The following RBFOX1 variants were observed in gnomAD, a reference collection of about 807,000 sequenced individuals.
RBFOX1 encodes RNA binding protein fox-1 homolog 1.
In RBFOX1, 8 loss-of-function variants were observed where a neutral mutation model predicts 57.7. The ratio of observed to expected loss-of-function variants is 0.14; its 90% CI spans 0.08 to 0.25. The LOEUF (loss-of-function observed/expected upper bound fraction) is 0.25, where lower values mean the gene tolerates loss of function less well. Among genes scored for constraint, RBFOX1 ranks in the 10% least tolerant of loss-of-function variants. RBFOX1 has a pLI of 1.00. For synonymous variants in RBFOX1, 326 were observed against 222.4 expected, an observed-to-expected ratio of 1.47 and a Z score of -4.15; for missense variants, 611 against 548.5, an observed-to-expected ratio of 1.11 and a Z score of -1.14.
At chr16:5,420,744 C>T (rs1018734279) in intron 1 of RBFOX1, among the ~76,000 whole-genome samples, 1 of 152,054 alleles carries the variant, frequency 6.6e-6, no homozygotes, top group Non-Finnish European at 1.5e-5. Flanking sequence ...CCATGTTGCC[C>T]AGGCTGGTCT....
At chr16:7,183,054 C>T (rs190739059) in intron 4 of RBFOX1, among the ~76,000 whole-genome samples, 1 of 152,126 alleles carries the variant, frequency 6.6e-6, no homozygotes, top group African/African-American at 2.4e-5. Context: ...TTTGCTTAAA[C>T]ACATGTATAA....
chr16:5,717,870 A>T (rs1415247128), intron 3 of RBFOX1, among the ~76,000 whole-genome samples: 1 of 152,210 alleles, frequency 6.6e-6, no homozygotes, highest in Admixed American at 6.5e-5. Flanking sequence ...CTGTTTACAG[A>T]TGAGAAATTG....
At chr16:6,561,159 C>T (rs1476001745) in intron 2 of RBFOX1, among the ~76,000 whole-genome samples, 1 of 152,082 alleles carries the variant, frequency 6.6e-6, no homozygotes, top group Non-Finnish European at 1.5e-5. Flanking sequence ...GTCTGGAAGG[C>T]TTCCCTCCTT....
chr16:5,450,876 G>A (rs1005796402), intron 1 of RBFOX1, among the ~76,000 whole-genome samples: 23 of 152,304 alleles, frequency 1.5e-4, no homozygotes, highest in Non-Finnish European at 2.4e-4. Flanking sequence ...AGGCTTTGGG[G>A]CAGTCCTGTG....
intron 1 of RBFOX1, among the ~76,000 whole-genome samples, chr16:5,263,453 G>C (rs1226425324): frequency 6.6e-6 from 1 of 152,130 alleles, no homozygotes; most frequent in Non-Finnish European, 1.5e-5. Context: ...GGGCATAGCA[G>C]GGATAATCAA....
intron 4 of RBFOX1, among the ~76,000 whole-genome samples, chr16:7,365,239 A>T (rs2097419508): frequency 6.6e-6 from 1 of 152,224 alleles, no homozygotes; most frequent in South Asian, 2.1e-4. Flanking sequence ...AAACCAGAGA[A>T]ACAGATGATA....
At chr16:5,284,756 A>ATTTTTTTT (rs1166998032) in intron 1 of RBFOX1, among the ~76,000 whole-genome samples, 4,885 of 60,788 alleles carry the variant, frequency 0.08, 572 homozygotes, top group Non-Finnish European at 0.097. Context: ...TTTGGCTTAG[A>ATTTTTTTT]TTTTTTTTTT....
chr16:6,702,251 G>A (rs4786918), intron 3 of RBFOX1, among the ~76,000 whole-genome samples: 75,117 of 152,052 alleles, frequency 0.49, 22,031 homozygotes, highest in Non-Finnish European at 0.64. Flanking sequence ...AGATATGGAT[G>A]GGACAAATAT....
At chr16:6,505,961 G>A (rs2096077001) in intron 2 of RBFOX1, among the ~76,000 whole-genome samples, 3 of 152,118 alleles carry the variant, frequency 2.0e-5, no homozygotes, top group Admixed American at 1.3e-4. Context: ...TGACATGGGT[G>A]GAAGAGGAAA....
At chr16:7,155,485 C>T (rs896690241) in intron 4 of RBFOX1, among the ~76,000 whole-genome samples, 2 of 151,162 alleles carry the variant, frequency 1.3e-5, no homozygotes, top group Non-Finnish European at 2.9e-5. Context: ...AGTCTCAGCT[C>T]CTTGGGAGGC....
chr16:6,806,021 C>G (rs748021173), intron 3 of RBFOX1, among the ~76,000 whole-genome samples: 10 of 152,114 alleles, frequency 6.6e-5, no homozygotes, highest in Non-Finnish European at 1.5e-4. Flanking sequence ...TATTCATACT[C>G]AAAATATTTG....
chr16:5,576,331 C>T (rs959157689), intron 2 of RBFOX1, among the ~76,000 whole-genome samples: 10 of 152,096 alleles, frequency 6.6e-5, no homozygotes, highest in Non-Finnish European at 8.8e-5. Context: ...GTTAAGATTA[C>T]TTCATAATCC....
chr16:5,591,326 A>G (rs1272520606), intron 2 of RBFOX1, among the ~76,000 whole-genome samples: 1 of 148,934 alleles, frequency 6.7e-6, no homozygotes, highest in African/African-American at 2.5e-5. Flanking sequence ...ATTTCAGCTC[A>G]CTGCAACATC....
At chr16:6,279,116 T>C (rs968625583) in intron 1 of RBFOX1, among the ~76,000 whole-genome samples, 11 of 152,198 alleles carry the variant, frequency 7.2e-5, no homozygotes, top group African/African-American at 1.9e-4. Context: ...TCAATCTTAG[T>C]GGAATTAACT....
chr16:6,631,710 G>T (rs773932056), intron 2 of RBFOX1, among the ~76,000 whole-genome samples: 1 of 152,134 alleles, frequency 6.6e-6, no homozygotes, highest in Admixed American at 6.5e-5. Flanking sequence ...AGCATTGCTG[G>T]CTGGGGGAAG....
chr16:7,077,951 A>C (rs1399574650), intron 4 of RBFOX1, among the ~76,000 whole-genome samples: 1 of 152,196 alleles, frequency 6.6e-6, no homozygotes, highest in African/African-American at 2.4e-5. Context: ...CCAAACAGAG[A>C]GAAAGTAAAC....
At chr16:6,551,476 C>T (rs572965239) in intron 2 of RBFOX1, among the ~76,000 whole-genome samples, 64 of 152,292 alleles carry the variant, frequency 4.2e-4, no homozygotes, top group South Asian at 3.5e-3. Flanking sequence ...CATAAGTAAC[C>T]ATTTAGCAAA....
chr16:6,494,035 G>A (rs1042570317), intron 2 of RBFOX1, among the ~76,000 whole-genome samples: 1 of 152,128 alleles, frequency 6.6e-6, no homozygotes, highest in African/African-American at 2.4e-5. Context: ...TTCCTCATCT[G>A]CATTTAGGCT....
At chr16:6,102,557 C>G (rs569956642) in intron 1 of RBFOX1, among the ~76,000 whole-genome samples, 2 of 152,196 alleles carry the variant, frequency 1.3e-5, no homozygotes, top group Non-Finnish European at 2.9e-5. Flanking sequence ...AATTCTCTCT[C>G]TCTCTCCACC....
Sources: gnomAD v4.1 joint callset for allele counts (sites outside exome capture counted in the v4.1 genomes callset) on GRCh38, gnomAD v4.1.1 for gene constraint, MANE v1.5 for transcripts, NCBI Gene and HGNC (gene_info 2026-07-23, HGNC 2026-07-21) for gene names.